RANBP17: variants seen among roughly 807,000 people sequenced by gnomAD.
RANBP17 encodes RAN binding protein 17.
In RANBP17, 158 loss-of-function variants were observed where a neutral mutation model predicts 141.2. The observed-to-expected ratio is 1.12, with a 90% CI of 0.98 to 1.28. The LOEUF (loss-of-function observed/expected upper bound fraction) is 1.28, where lower values mean the gene tolerates loss of function less well. RANBP17 is among the 50% of genes most tolerant of loss of function. The pLI is 0.00. For synonymous variants in RANBP17, 430 were observed against 450.0 expected, an observed-to-expected ratio of 0.96 and a Z score of 0.56; for missense variants, 1,438 against 1,290.7, an observed-to-expected ratio of 1.11 and a Z score of -1.75.
At chr5:170,909,598 T>TA (rs368924803) in intron 5 of RANBP17, 63 bp from the exon 6 acceptor site, 2 of 514,128 alleles carry the variant, frequency 3.9e-6, no homozygotes, top group South Asian at 2.9e-5. Flanking sequence ...TTTTTTTTTT[T>TA]AGTAAATTTT....
intron 14 of RANBP17, among the ~76,000 whole-genome samples, chr5:171,162,587 C>G (rs747240070): frequency 6.6e-6 from 1 of 152,086 alleles, no homozygotes; most frequent in Non-Finnish European, 1.5e-5. Context: ...TATACCTGTA[C>G]TCTTTCTAAT....
intron 20 of RANBP17, chr5:171,207,559 A>T (rs1215234342): frequency 6.6e-6 from 1 of 152,172 alleles, no homozygotes; most frequent in Non-Finnish European, 1.5e-5. Context: ...CCTCCATTTG[A>T]CCATAGATGT....
chr5:170,873,243 G>T (rs1767901179), intron 1 of RANBP17, among the ~76,000 whole-genome samples: 1 of 152,188 alleles, frequency 6.6e-6, no homozygotes, highest in Admixed American at 6.5e-5. Flanking sequence ...GCTGGATTTG[G>T]TTTGCCAGTA....
At chr5:171,252,153 G>A (rs1765614582) in intron 24 of RANBP17, 3 of 1,591,116 alleles carry the variant, frequency 1.9e-6, no homozygotes, top group Admixed American at 3.4e-5. Flanking sequence ...GAAAGAAGAT[G>A]AGCTTTTTGA....
intron 25 of RANBP17, among the ~76,000 whole-genome samples, chr5:171,282,370 T>C (rs1270129280): frequency 6.6e-6 from 1 of 152,166 alleles, no homozygotes; most frequent in African/African-American, 2.4e-5. Context: ...ACCCAAGAAG[T>C]GTCCTCTTGA....
chr5:171,088,673 T>G lies in RANBP17; in HGVS notation c.1711-81457T>G, dbSNP rs1249125730. Among the ~76,000 whole-genome samples the G allele has an allele frequency of 2.7e-5, 4 of 150,864 alleles. No homozygotes were observed. In the South Asian group the frequency reaches 8.5e-4, roughly 32 times the overall value. ...GGCTTTGCTCCTTTCTTTTTATTCT[T>G]TTTTCTCTAAACTTCCCTTCTCGCT... On this transcript the variant is annotated intron_variant, in intron 14 of 27. Transcript: ENST00000523189.
At chr5:171,139,086 AAAAAAAG>A (rs1445487046) in intron 14 of RANBP17, among the ~76,000 whole-genome samples, 4 of 152,070 alleles carry the variant, frequency 2.6e-5, no homozygotes, top group African/African-American at 4.8e-5. Context: ...TCTTTAAAAC[AAAAAAAG>A]AAAAAAGAAA....
intron 14 of RANBP17, among the ~76,000 whole-genome samples, chr5:171,032,262 C>T (rs1391015395): frequency 6.6e-6 from 1 of 152,096 alleles, no homozygotes; most frequent in African/African-American, 2.4e-5. Context: ...CAAATGTACT[C>T]ATAATGGAAA....
chr5:170,942,538 T>C (rs528756804), intron 12 of RANBP17, among the ~76,000 whole-genome samples: 1 of 152,298 alleles, frequency 6.6e-6, no homozygotes, highest in East Asian at 1.9e-4. Context: ...AAATGAGACT[T>C]GAAGTGTCTT....
At chr5:170,897,339 C>A in intron 5 of RANBP17, 2 of 549,836 alleles carry the variant, frequency 3.6e-6, no homozygotes. Context: ...GGGCTTGGCA[C>A]ATTTCTTCTT....
At chr5:171,134,044 A>T (rs1757104000) in intron 14 of RANBP17, among the ~76,000 whole-genome samples, 1 of 152,218 alleles carries the variant, frequency 6.6e-6, no homozygotes, top group South Asian at 2.1e-4. Flanking sequence ...ATGAAATATT[A>T]TTTTTTGAAA....
chr5:171,202,673 G>A (rs1762360852), intron 19 of RANBP17, among the ~76,000 whole-genome samples: 1 of 152,106 alleles, frequency 6.6e-6, no homozygotes, highest in Non-Finnish European at 1.5e-5. Flanking sequence ...AAACACTCCA[G>A]TTGAAACACC....
intron 14 of RANBP17, among the ~76,000 whole-genome samples, chr5:171,089,183 G>C (rs1389168343): frequency 2.0e-5 from 3 of 146,708 alleles, no homozygotes; most frequent in African/African-American, 7.4e-5. Flanking sequence ...TAACAGACAG[G>C]ACCCTCAGCT....
chr5:170,999,230 G>A (rs753859834), intron 14 of RANBP17, among the ~76,000 whole-genome samples: 1 of 151,956 alleles, frequency 6.6e-6, no homozygotes, highest in African/African-American at 2.4e-5. Flanking sequence ...TTCTATAATT[G>A]TAAATAAAAT....
chr5:171,059,266 A>G (rs1287870105), intron 14 of RANBP17, among the ~76,000 whole-genome samples: 2 of 152,118 alleles, frequency 1.3e-5, no homozygotes, highest in African/African-American at 2.4e-5. Context: ...GGTAATGCCT[A>G]GGTTTTCTTC....
At chr5:170,958,173 T>A (rs942452338) in intron 13 of RANBP17, among the ~76,000 whole-genome samples, 1 of 152,200 alleles carries the variant, frequency 6.6e-6, no homozygotes, top group Non-Finnish European at 1.5e-5. Flanking sequence ...ATTGGCTTCT[T>A]TCTGTGTCTC....
chr5:171,045,863 G>T (rs1331846314), intron 14 of RANBP17, among the ~76,000 whole-genome samples: 1 of 152,210 alleles, frequency 6.6e-6, no homozygotes, highest in South Asian at 2.1e-4. Context: ...CTCCCTCATG[G>T]TGTCACATCT....
intron 14 of RANBP17, among the ~76,000 whole-genome samples, chr5:171,142,288 T>C (rs1473776498): frequency 3.9e-5 from 6 of 152,200 alleles, no homozygotes; most frequent in African/African-American, 7.2e-5. Context: ...CATAGAATTT[T>C]CTGCCAAAAT....
intron 14 of RANBP17, 85 bp from the exon 15 acceptor site, chr5:171,170,044 TA>T: frequency 1.4e-6 from 1 of 693,822 alleles, no homozygotes; most frequent in East Asian, 3.0e-5. Flanking sequence ...CACAGTGCAT[TA>T]AATCTTATGT....
Sources: allele counts gnomAD v4.1 joint callset (sites outside exome capture counted in the v4.1 genomes callset), GRCh38; gene constraint gnomAD v4.1.1; transcripts MANE v1.5; gene names NCBI Gene and HGNC (gene_info 2026-07-23, HGNC 2026-07-21).